The following NXPH1 variants were observed in gnomAD, a reference collection of about 807,000 sequenced individuals.
NXPH1 encodes the protein neurexophilin-1.
Under a neutral mutation model 23.7 loss-of-function variants are expected in NXPH1, and 5 were observed. That is an observed-to-expected ratio of 0.21 (90% CI 0.11 to 0.44). NXPH1 has a LOEUF of 0.44. NXPH1 is among the 20% of genes least tolerant of loss of function. The pLI, the probability that NXPH1 is intolerant of heterozygous loss-of-function variation, is 0.99. For missense variants in NXPH1, 324 were observed against 321.6 expected (o/e 1.01, Z -0.06); for synonymous variants, 144 against 122.2 (o/e 1.18, Z -1.18).
At chr7:8,471,985 G>A (rs570550184) in intron 2 of NXPH1, among the ~76,000 whole-genome samples, 7 of 151,306 alleles carry the variant, frequency 4.6e-5, no homozygotes, top group Non-Finnish European at 7.4e-5. Flanking sequence ...TATCCTACAC[G>A]ATGGCCATAA....
chr7:8,724,457 C>A (rs1017723777), intron 2 of NXPH1, among the ~76,000 whole-genome samples: 5 of 152,198 alleles, frequency 3.3e-5, no homozygotes, highest in African/African-American at 9.7e-5. Context: ...ATCCACAGTG[C>A]TCAAGGTAAA....
intron 2 of NXPH1, among the ~76,000 whole-genome samples, chr7:8,558,886 A>C (rs1818400262): frequency 6.6e-6 from 1 of 151,178 alleles, no homozygotes. Context: ...GTTTGTTTTG[A>C]TCTGTTTTTG....
At position 8,739,651 on chromosome 7, in the gene NXPH1, A is replaced by G. The variant is rs1013394433; in HGVS notation, c.55-11357A>G. Among the ~76,000 whole-genome samples, 5 of 151,966 alleles carry G rather than the reference A, an allele frequency of 3.3e-5. No individual in the cohort carries two copies. In the South Asian group the frequency reaches 8.3e-4, roughly 25 times the overall value. On this transcript the variant is annotated intron_variant, in intron 2 of 2. Coordinates refer to ENST00000405863, the MANE Select transcript of NXPH1 (RefSeq NM_152745.3). The stretch of plus-strand genomic sequence containing the variant: ...TCTTTCTTTAAAATAACCTTAGCAT[A>G]CTGTACCTTTTTTCTTTATAAACTT...
intron 2 of NXPH1, among the ~76,000 whole-genome samples, chr7:8,495,264 C>A (rs1477209262): frequency 6.6e-6 from 1 of 151,780 alleles, no homozygotes; most frequent in Admixed American, 6.6e-5. Context: ...CCTCAGAAAA[C>A]CTCATACTTT....
intron 2 of NXPH1, among the ~76,000 whole-genome samples, chr7:8,526,535 C>T (rs558933815): frequency 6.6e-6 from 1 of 152,238 alleles, no homozygotes; most frequent in African/African-American, 2.4e-5. Flanking sequence ...TGTTTCCCCA[C>T]CCAAAACTCA....
chr7:8,532,392 C>T (rs1217462492), intron 2 of NXPH1, among the ~76,000 whole-genome samples: 10 of 136,738 alleles, frequency 7.3e-5, no homozygotes, highest in African/African-American at 2.5e-4. Context: ...GCAGCCTGCC[C>T]CTATGTTGTA....
intron 2 of NXPH1, among the ~76,000 whole-genome samples, chr7:8,503,200 C>T (rs868242925): frequency 6.6e-6 from 1 of 152,034 alleles, no homozygotes. Context: ...CACTTTTTAA[C>T]AGTTCTGTGA....
chr7:8,479,938 G>C (rs1040805788), intron 2 of NXPH1, among the ~76,000 whole-genome samples: 1 of 152,106 alleles, frequency 6.6e-6, no homozygotes, highest in Non-Finnish European at 1.5e-5. Flanking sequence ...GGTAAATAGA[G>C]GGAAAGAATG....
intron 2 of NXPH1, among the ~76,000 whole-genome samples, chr7:8,527,445 T>C (rs1817880925): frequency 2.6e-5 from 4 of 152,178 alleles, no homozygotes; most frequent in Admixed American, 2.6e-4. Flanking sequence ...ATTTTGTCTT[T>C]TTGGATAAAA....
chr7:8,607,874 C>G (rs1053131063), intron 2 of NXPH1, among the ~76,000 whole-genome samples: 5 of 152,206 alleles, frequency 3.3e-5, no homozygotes, highest in Admixed American at 2.6e-4. Context: ...AAGGTGGACT[C>G]TTAATCCAAT....
intron 2 of NXPH1, among the ~76,000 whole-genome samples, chr7:8,639,833 A>G (rs555541737): frequency 6.6e-5 from 10 of 152,268 alleles, no homozygotes; most frequent in African/African-American, 2.4e-4. Flanking sequence ...CCGGCCATGT[A>G]AGAAGTGCCT....
chr7:8,549,171 C>G (rs1029959898), intron 2 of NXPH1, among the ~76,000 whole-genome samples: 16 of 151,562 alleles, frequency 1.1e-4, no homozygotes, highest in Non-Finnish European at 2.1e-4. Context: ...AACCAAGAAC[C>G]CAGACCCTGG....
intron 2 of NXPH1, among the ~76,000 whole-genome samples, chr7:8,666,914 TTAATC>T (rs1820780471): frequency 1.3e-5 from 2 of 152,026 alleles, no homozygotes. Context: ...TTTTTAAAAA[TTAATC>T]TAGCTAAAGG....
At chr7:8,622,402 A>T (rs1020246215) in intron 2 of NXPH1, among the ~76,000 whole-genome samples, 1 of 152,162 alleles carries the variant, frequency 6.6e-6, no homozygotes, top group Admixed American at 6.5e-5. Context: ...TCCTTCAATT[A>T]TAAGTCTAGT....
At chr7:8,632,403 A>C (rs973149116) in intron 2 of NXPH1, among the ~76,000 whole-genome samples, 24 of 152,198 alleles carry the variant, frequency 1.6e-4, no homozygotes, top group African/African-American at 5.8e-4. Context: ...ATTCAAGTAG[A>C]TGTATAACTT....
In NXPH1 at chr7:8,467,436, T is replaced by C. The variant is rs184629627; in HGVS notation, c.54+31669T>C. Among the ~76,000 whole-genome samples the C allele has an allele frequency of 1.9e-3, 294 of 152,338 alleles. 2 individuals carry two copies. Among genetic ancestry groups the C allele is most frequent in the Non-Finnish European group, 3.3e-3 (224 of 68,024 alleles). The stretch of plus-strand genomic sequence containing the variant: ...TCTGTTCTGAGATATTTTTAACTTA[T>C]GCTTTTATTATGGCTCCCCTTAGGA... On this transcript the variant is annotated intron_variant, in intron 2 of 2. Transcript: ENST00000405863.
At chr7:8,639,506 C>T (rs561059761) in intron 2 of NXPH1, among the ~76,000 whole-genome samples, 3 of 151,802 alleles carry the variant, frequency 2.0e-5, no homozygotes, top group East Asian at 3.9e-4. Flanking sequence ...AAATTTTTGC[C>T]GATTTGTTGG....
At chr7:8,737,949 C>T (rs1780290596) in intron 2 of NXPH1, among the ~76,000 whole-genome samples, 1 of 152,186 alleles carries the variant, frequency 6.6e-6, no homozygotes, top group Non-Finnish European at 1.5e-5. Context: ...GTGTATGTTT[C>T]ATGAAGTTCT....
chr7:8,720,170 TATCTGTTCAATGAACTGAATCACCAAA>T (rs1403247811), intron 2 of NXPH1, among the ~76,000 whole-genome samples: 1 of 148,420 alleles, frequency 6.7e-6, no homozygotes, highest in Non-Finnish European at 1.5e-5. Context: ...TCTTGGTTCA[TATCTGTTCAATGAACTGAATCACCAAA>T]ATGTACACTC....
Sources: allele counts gnomAD v4.1 joint callset (sites outside exome capture counted in the v4.1 genomes callset), GRCh38; gene constraint gnomAD v4.1.1; transcripts MANE v1.5; gene names NCBI Gene and HGNC (gene_info 2026-07-23, HGNC 2026-07-21).